AUTS2: variants seen among roughly 807,000 people sequenced by gnomAD.
AUTS2 encodes the protein autism susceptibility gene 2 protein.
AUTS2 carries 17 observed loss-of-function variants against 112.4 expected under a neutral mutation model. The observed-to-expected ratio is 0.15, with a 90% CI of 0.10 to 0.23. The LOEUF (loss-of-function observed/expected upper bound fraction) is 0.23, where lower values mean the gene tolerates loss of function less well. Among genes scored for constraint, AUTS2 ranks in the 10% least tolerant of loss-of-function variants. The probability of loss-of-function intolerance (pLI) is 1.00; values close to 1 mark genes in which losing one functional copy is unlikely to be tolerated. For synonymous variants in AUTS2, 751 were observed against 702.7 expected, an observed-to-expected ratio of 1.07 and a Z score of -1.09; for missense variants, 1,510 against 1,701.6, an observed-to-expected ratio of 0.89 and a Z score of 1.98.
intron 4 of AUTS2, among the ~76,000 whole-genome samples, chr7:70,331,436 C>CT (rs1225472459): frequency 2.0e-5 from 3 of 151,432 alleles, no homozygotes; most frequent in Non-Finnish European, 4.4e-5. Context: ...ATTCTTCTCT[C>CT]TTTTCTTATT....
chr7:70,033,282 C>T (rs910237994), intron 2 of AUTS2, among the ~76,000 whole-genome samples: 1 of 152,156 alleles, frequency 6.6e-6, no homozygotes, highest in Non-Finnish European at 1.5e-5. Context: ...AGGTTTTAAG[C>T]AGTGAGCACT....
At chr7:70,116,974 T>C (rs1398906987) in intron 2 of AUTS2, among the ~76,000 whole-genome samples, 1 of 152,224 alleles carries the variant, frequency 6.6e-6, no homozygotes, top group Non-Finnish European at 1.5e-5. Context: ...TAGTACTCCA[T>C]ATATTTATGA....
intron 4 of AUTS2, among the ~76,000 whole-genome samples, chr7:70,311,913 A>G (rs942029855): frequency 1.3e-5 from 2 of 152,144 alleles, no homozygotes; most frequent in African/African-American, 4.8e-5. Context: ...ACGGGGTTTC[A>G]CCGTGTTAGC....
At chr7:70,449,035 G>A (rs542675027) in intron 5 of AUTS2, among the ~76,000 whole-genome samples, 2 of 152,204 alleles carry the variant, frequency 1.3e-5, no homozygotes, top group South Asian at 4.1e-4. Flanking sequence ...GACTCTTTTT[G>A]TTTCAAATAA....
At chr7:69,838,219 TAGA>T (rs1791811883) in intron 1 of AUTS2, among the ~76,000 whole-genome samples, 1 of 152,200 alleles carries the variant, frequency 6.6e-6, no homozygotes, top group South Asian at 2.1e-4. Context: ...TGCATGAAGT[TAGA>T]AGAATTTTGG....
chr7:70,530,637 G>T (rs979836130), intron 5 of AUTS2, among the ~76,000 whole-genome samples: 1 of 152,102 alleles, frequency 6.6e-6, no homozygotes, highest in African/African-American at 2.4e-5. Flanking sequence ...CCAGCCCCCA[G>T]CCTGACCGTG....
chr7:70,544,664 A>T lies in AUTS2; in HGVS notation c.690+108883A>T, dbSNP rs1004402014. Among the ~76,000 whole-genome samples the T allele has an allele frequency of 8.5e-5, 13 of 152,272 alleles. No individual in the cohort carries two copies. The East Asian group carries it at 2.1e-3, about 25-fold the overall frequency. On this transcript the variant is annotated intron_variant, in intron 5 of 18. Coordinates refer to ENST00000342771, the MANE Select transcript of AUTS2 (RefSeq NM_015570.4). Reference sequence around the variant, plus strand: ...TCTTTCGTTGTTTTTTATTTTCAAGATAATAAAAGGTTTCCACTTTGACCA... The same window carrying T: ...TCTTTCGTTGTTTTTTATTTTCAAGTTAATAAAAGGTTTCCACTTTGACCA...
At chr7:70,507,259 C>G (rs1799001309) in intron 5 of AUTS2, among the ~76,000 whole-genome samples, 1 of 152,058 alleles carries the variant, frequency 6.6e-6, no homozygotes, top group Admixed American at 6.6e-5. Flanking sequence ...GAATACTGGC[C>G]CAAGCATGGT....
chr7:70,507,233 T>C (rs951459466), intron 5 of AUTS2, among the ~76,000 whole-genome samples: 9 of 152,278 alleles, frequency 5.9e-5, no homozygotes, highest in African/African-American at 1.9e-4. Flanking sequence ...TATCATTTGG[T>C]AAATTGTTTC....
intron 1 of AUTS2, among the ~76,000 whole-genome samples, chr7:69,856,963 T>C (rs1387545073): frequency 6.6e-6 from 1 of 152,322 alleles, no homozygotes; most frequent in Non-Finnish European, 1.5e-5. Flanking sequence ...ACTACTGTTT[T>C]TCTTTGAAAA....
chr7:70,749,921 G>A (rs1458417138), intron 6 of AUTS2, among the ~76,000 whole-genome samples: 1 of 152,192 alleles, frequency 6.6e-6, no homozygotes, highest in Non-Finnish European at 1.5e-5. Flanking sequence ...AGGAATAGAA[G>A]AGCTTCCACC....
At chr7:70,401,473 A>C (rs928909502) in intron 4 of AUTS2, among the ~76,000 whole-genome samples, 1 of 152,228 alleles carries the variant, frequency 6.6e-6, no homozygotes. Flanking sequence ...ACCACAGGAC[A>C]TGAAATAACC....
chr7:69,950,813 A>G (rs13362865), intron 2 of AUTS2, among the ~76,000 whole-genome samples: 8,860 of 152,190 alleles, frequency 0.058, 499 homozygotes, highest in African/African-American at 0.13. Context: ...CTACATTTAC[A>G]TATTTAGTAC....
chr7:70,483,914 A>G (rs1007811856), intron 5 of AUTS2, among the ~76,000 whole-genome samples: 1 of 152,214 alleles, frequency 6.6e-6, no homozygotes, highest in African/African-American at 2.4e-5. Flanking sequence ...TAAAGCATGT[A>G]TATGATAATG....
intron 1 of AUTS2, among the ~76,000 whole-genome samples, chr7:69,689,092 G>T (rs1413005548): frequency 6.6e-6 from 1 of 152,070 alleles, no homozygotes; most frequent in Non-Finnish European, 1.5e-5. Flanking sequence ...AAAGGGCATT[G>T]TGGATTATAG....
chr7:70,666,872 A>C (rs1807378059), intron 5 of AUTS2, among the ~76,000 whole-genome samples: 1 of 151,762 alleles, frequency 6.6e-6, no homozygotes, highest in Non-Finnish European at 1.5e-5. Context: ...CTGCAGGGTT[A>C]AATCAGCAAC....
At chr7:69,804,136 G>A (rs1790202688) in intron 1 of AUTS2, among the ~76,000 whole-genome samples, 1 of 152,150 alleles carries the variant, frequency 6.6e-6, no homozygotes, top group Admixed American at 6.5e-5. Flanking sequence ...GATGTCCCTG[G>A]TGAGCAATAA....
chr7:70,319,777 C>T (rs1371181077), intron 4 of AUTS2, among the ~76,000 whole-genome samples: 1 of 152,150 alleles, frequency 6.6e-6, no homozygotes, highest in Non-Finnish European at 1.5e-5. Context: ...CACAAACAAC[C>T]TTGATAAATT....
At chr7:69,835,048 G>A (rs1037418919) in intron 1 of AUTS2, among the ~76,000 whole-genome samples, 4 of 151,676 alleles carry the variant, frequency 2.6e-5, no homozygotes. Flanking sequence ...GAAGAGTCAG[G>A]AATCTTGTAT....
Sources: gnomAD v4.1 joint callset for allele counts (sites outside exome capture counted in the v4.1 genomes callset) on GRCh38, gnomAD v4.1.1 for gene constraint, MANE v1.5 for transcripts, NCBI Gene and HGNC (gene_info 2026-07-23, HGNC 2026-07-21) for gene names.